RBFOX1: variants seen among roughly 807,000 people sequenced by gnomAD.
RBFOX1 encodes the protein RNA binding fox-1 homolog 1, also known as RNA binding protein fox-1 homolog 1.
RBFOX1 carries 8 observed loss-of-function variants against 57.7 expected under a neutral mutation model. The observed-to-expected ratio is 0.14, with a 90% CI of 0.08 to 0.25. The LOEUF is 0.25. Ranked by LOEUF, RBFOX1 falls within the 10% of genes least tolerant of loss-of-function variation. The probability of loss-of-function intolerance (pLI) is 1.00; values close to 1 mark genes in which losing one functional copy is unlikely to be tolerated. For missense variants in RBFOX1, 611 were observed against 548.5 expected, an observed-to-expected ratio of 1.11 and a Z score of -1.14; for synonymous variants, 326 against 222.4, an observed-to-expected ratio of 1.47 and a Z score of -4.15.
chr16:5,787,628 G>T (rs977209885), intron 3 of RBFOX1, among the ~76,000 whole-genome samples: 2 of 152,232 alleles, frequency 1.3e-5, no homozygotes, highest in Non-Finnish European at 2.9e-5. Flanking sequence ...ATGTGAATGA[G>T]AGCTTTGTAG....
chr16:5,957,930 A>G (rs1378327936), intron 4 of RBFOX1, among the ~76,000 whole-genome samples: 1 of 151,958 alleles, frequency 6.6e-6, no homozygotes, highest in Non-Finnish European at 1.5e-5. Context: ...CTGTTACTGT[A>G]CCCGTTAACC....
chr16:7,455,800 A>AAG (rs1250111966), intron 4 of RBFOX1, among the ~76,000 whole-genome samples: 1 of 150,766 alleles, frequency 6.6e-6, no homozygotes, highest in Non-Finnish European at 1.5e-5. Context: ...AAAAAAAAAA[A>AAG]AGAAAAAAAA....
chr16:7,293,015 G>T (rs1160540304), intron 4 of RBFOX1, among the ~76,000 whole-genome samples: 2 of 152,104 alleles, frequency 1.3e-5, no homozygotes, highest in Non-Finnish European at 2.9e-5. Flanking sequence ...AGGAAGTAAG[G>T]CAGAGAAAGT....
intron 2 of RBFOX1, among the ~76,000 whole-genome samples, chr16:5,490,549 A>C (rs1332716091): frequency 6.6e-6 from 1 of 152,146 alleles, no homozygotes; most frequent in Non-Finnish European, 1.5e-5. Context: ...GCTTTTGAGA[A>C]TGGAATCCCC....
intron 3 of RBFOX1, among the ~76,000 whole-genome samples, chr16:5,640,536 A>G (rs11643185): frequency 0.51 from 77,425 of 150,912 alleles, 23,588 homozygotes; most frequent in Non-Finnish European, 0.69. Context: ...GCACATACAC[A>G]CATGCACATA....
At chr16:6,957,734 A>C (rs1469836501) in intron 3 of RBFOX1, among the ~76,000 whole-genome samples, 3 of 152,088 alleles carry the variant, frequency 2.0e-5, no homozygotes, top group African/African-American at 4.8e-5. Flanking sequence ...CCCAGCCCCT[A>C]TTGAAGATGG....
At chr16:7,085,870 C>T (rs2059911743) in intron 4 of RBFOX1, among the ~76,000 whole-genome samples, 1 of 152,170 alleles carries the variant, frequency 6.6e-6, no homozygotes, top group African/African-American at 2.4e-5. Flanking sequence ...TCCCAGGAAA[C>T]CGTTCTGCCC....
intron 1 of RBFOX1, among the ~76,000 whole-genome samples, chr16:5,384,338 T>C (rs1461221699): frequency 6.6e-6 from 1 of 152,162 alleles, no homozygotes; most frequent in Admixed American, 6.5e-5. Flanking sequence ...ACTGTGGGTA[T>C]AATGGGCATA....
intron 4 of RBFOX1, among the ~76,000 whole-genome samples, chr16:7,457,880 C>T (rs1047682635): frequency 3.3e-5 from 5 of 152,100 alleles, no homozygotes; most frequent in East Asian, 1.9e-4. Flanking sequence ...CACCCCCTCC[C>T]CAATACTCTA....
chr16:7,346,976 A>G (rs1334943347), intron 4 of RBFOX1, among the ~76,000 whole-genome samples: 1 of 152,226 alleles, frequency 6.6e-6, no homozygotes. Context: ...GAATGCACAG[A>G]AACTCTTGGA....
At chr16:5,851,927 C>T (rs769603494) in intron 3 of RBFOX1, among the ~76,000 whole-genome samples, 2 of 152,128 alleles carry the variant, frequency 1.3e-5, no homozygotes, top group Non-Finnish European at 2.9e-5. Context: ...GAGGCTCCAT[C>T]ATTAGAGGCA....
intron 4 of RBFOX1, among the ~76,000 whole-genome samples, chr16:7,139,340 C>T (rs901047331): frequency 6.6e-6 from 1 of 152,096 alleles, no homozygotes; most frequent in Non-Finnish European, 1.5e-5. Context: ...AAAGCAAAAG[C>T]TTCTTACAGA....
intron 3 of RBFOX1, among the ~76,000 whole-genome samples, chr16:6,690,240 A>C (rs1042049045): frequency 6.6e-6 from 1 of 152,156 alleles, no homozygotes; most frequent in African/African-American, 2.4e-5. Flanking sequence ...ACTCTCTAAG[A>C]AGATATTTGA....
chr16:6,892,186 A>G (rs1178702120), intron 3 of RBFOX1, among the ~76,000 whole-genome samples: 4 of 152,146 alleles, frequency 2.6e-5, no homozygotes, highest in African/African-American at 7.2e-5. Flanking sequence ...GATTTTATGC[A>G]AAGTTAATGC....
At chr16:5,661,286 G>T (rs1340511379) in intron 3 of RBFOX1, among the ~76,000 whole-genome samples, 3 of 152,110 alleles carry the variant, frequency 2.0e-5, no homozygotes, top group Admixed American at 6.6e-5. Context: ...ACCATCCAGG[G>T]TCAGTGACAG....
chr16:6,855,974 C>T (rs1049708435), intron 3 of RBFOX1, among the ~76,000 whole-genome samples: 1 of 152,002 alleles, frequency 6.6e-6, no homozygotes, highest in Admixed American at 6.6e-5. Context: ...CCAAAGACTC[C>T]TGCCTAATAC....
intron 3 of RBFOX1, among the ~76,000 whole-genome samples, chr16:6,887,667 AT>A (rs55796944): frequency 0.27 from 38,035 of 143,504 alleles, 5,537 homozygotes; most frequent in African/African-American, 0.41. Flanking sequence ...TTCCATAGTC[AT>A]TTTTTTTTTT....
At chr16:5,880,224 A>T (rs1218554750) in intron 4 of RBFOX1, among the ~76,000 whole-genome samples, 1 of 152,058 alleles carries the variant, frequency 6.6e-6, no homozygotes, top group South Asian at 2.1e-4. Flanking sequence ...GGCTCAAACT[A>T]TTTGTCAATG....
chr16:6,580,492 C>T (rs554235631), intron 2 of RBFOX1, among the ~76,000 whole-genome samples: 1 of 152,266 alleles, frequency 6.6e-6, no homozygotes, highest in South Asian at 2.1e-4. Flanking sequence ...ATTAAAAACT[C>T]CGTAAGACAT....
Sources: allele counts gnomAD v4.1 joint callset (sites outside exome capture counted in the v4.1 genomes callset), GRCh38; gene constraint gnomAD v4.1.1; transcripts MANE v1.5; gene names NCBI Gene and HGNC (gene_info 2026-07-23, HGNC 2026-07-21).